CDK14: variants seen among roughly 807,000 people sequenced by gnomAD.
The protein encoded by CDK14 is cyclin-dependent kinase 14.
In CDK14, 34 loss-of-function variants were observed where a neutral mutation model predicts 60.7. That is an observed-to-expected ratio of 0.56 (90% CI 0.43 to 0.75). The LOEUF (loss-of-function observed/expected upper bound fraction) is 0.75, where lower values mean the gene tolerates loss of function less well. Ranked by LOEUF, CDK14 falls within the 30% of genes least tolerant of loss-of-function variation. CDK14 has a pLI of 0.00. For missense variants in CDK14, 482 were observed against 564.1 expected (o/e 0.85, Z 1.47); for synonymous variants, 197 against 203.7 (o/e 0.97, Z 0.28).
intron 11 of CDK14, among the ~76,000 whole-genome samples, chr7:91,073,832 A>T (rs1798222596): frequency 6.6e-6 from 1 of 152,208 alleles, no homozygotes; most frequent in Admixed American, 6.5e-5. Context: ...AAAGAAAAAA[A>T]AAAAGCAGAG....
At chr7:91,109,344 A>T (rs529155748) in intron 12 of CDK14, among the ~76,000 whole-genome samples, 1 of 152,276 alleles carries the variant, frequency 6.6e-6, no homozygotes, top group East Asian at 1.9e-4. Flanking sequence ...TGTGGGACAA[A>T]TAATTTGTCA....
chr7:90,823,040 G>A lies in CDK14; in HGVS notation c.544+32388G>A, dbSNP rs373836275. 1.6e-4 allele frequency among the ~76,000 whole-genome samples: 25 copies of A among 152,270 alleles called. No homozygotes were observed. In the South Asian group the frequency reaches 5.2e-3, roughly 32 times the overall value. On this transcript the variant is annotated intron_variant, in intron 5 of 14. Coordinates refer to ENST00000380050, the MANE Select transcript of CDK14 (RefSeq NM_001287135.2). ...TTCAGTGAACAGGGGCTAGTGTGTT[G>A]CTCTTCCCAGTAGTACTAATTAGGA...
intron 2 of CDK14, among the ~76,000 whole-genome samples, chr7:90,671,521 A>G (rs190714765): frequency 2.6e-5 from 4 of 152,316 alleles, no homozygotes; most frequent in Admixed American, 2.6e-4. Flanking sequence ...AAATCTTTAT[A>G]TAGGACAGCA....
intron 12 of CDK14, among the ~76,000 whole-genome samples, chr7:91,106,912 A>G (rs1274568236): frequency 6.6e-6 from 1 of 152,228 alleles, no homozygotes; most frequent in African/African-American, 2.4e-5. Context: ...TATCAGGCAT[A>G]CAGCATGACT....
chr7:90,992,655 A>C (rs1378217093), intron 10 of CDK14, among the ~76,000 whole-genome samples: 2 of 152,210 alleles, frequency 1.3e-5, no homozygotes, highest in Non-Finnish European at 2.9e-5. Context: ...CCAAACTCAC[A>C]AATAACAGGG....
At chr7:90,821,262 G>A (rs1230554064) in intron 5 of CDK14, among the ~76,000 whole-genome samples, 1 of 152,148 alleles carries the variant, frequency 6.6e-6, no homozygotes, top group African/African-American at 2.4e-5. Flanking sequence ...AGAAAGGCAG[G>A]GTTGGGCAGA....
intron 4 of CDK14, among the ~76,000 whole-genome samples, chr7:90,781,516 C>T (rs1202258865): frequency 6.7e-6 from 1 of 148,566 alleles, no homozygotes; most frequent in Non-Finnish European, 1.5e-5. Flanking sequence ...AATGGTAATG[C>T]CTAGGTTTTC....
chr7:90,604,258 A>C lies in CDK14; in HGVS notation c.123+9A>C. The C allele has an allele frequency of 6.6e-7, 1 of 1,510,586 alleles. No homozygotes were observed. Among genetic ancestry groups the C allele is most frequent in the Non-Finnish European group, 9.0e-7 (1 of 1,112,632 alleles). The allele number at this position is 1,510,586 out of a possible 1,614,324, so 93.6% of individuals were successfully genotyped here. On this transcript the variant is annotated intron_variant, in intron 2 of 14. Coordinates refer to ENST00000380050, the MANE Select transcript of CDK14 (RefSeq NM_001287135.2). Reference sequence around the variant, plus strand: ...ACACCACCTTTGATGAGGTAGGTTAAATTTCTTTATCTAATGTTAGATGTA... The same window carrying C: ...ACACCACCTTTGATGAGGTAGGTTACATTTCTTTATCTAATGTTAGATGTA...
At chr7:90,634,714 T>C (rs1253026454) in intron 2 of CDK14, among the ~76,000 whole-genome samples, 2 of 151,766 alleles carry the variant, frequency 1.3e-5, no homozygotes, top group African/African-American at 4.8e-5. Context: ...CCACACTGAC[T>C]TCCACAATGG....
At chr7:90,663,809 A>G (rs927620992) in intron 2 of CDK14, among the ~76,000 whole-genome samples, 1 of 152,234 alleles carries the variant, frequency 6.6e-6, no homozygotes, top group African/African-American at 2.4e-5. Flanking sequence ...AATTAATTAC[A>G]CTATAAATCT....
chr7:90,878,643 C>T (rs1183531083), intron 6 of CDK14, among the ~76,000 whole-genome samples: 1 of 152,144 alleles, frequency 6.6e-6, no homozygotes, highest in Non-Finnish European at 1.5e-5. Flanking sequence ...AGAGAAGTCA[C>T]TGACAAAATA....
chr7:90,931,527 C>T (rs1793590854), intron 8 of CDK14, among the ~76,000 whole-genome samples: 1 of 152,198 alleles, frequency 6.6e-6, no homozygotes, highest in Non-Finnish European at 1.5e-5. Flanking sequence ...GCTGCTCTGT[C>T]CTTCTGCCTC....
chr7:90,852,104 C>T (rs911813481), intron 5 of CDK14, among the ~76,000 whole-genome samples: 2 of 152,050 alleles, frequency 1.3e-5, no homozygotes, highest in African/African-American at 2.4e-5. Context: ...GCTATGTTTC[C>T]GAGGCTGGCC....
chr7:91,029,573 T>TCTCTC (rs143062382), intron 10 of CDK14, among the ~76,000 whole-genome samples: 26,282 of 129,904 alleles, frequency 0.2, 3,142 homozygotes, highest in Non-Finnish European at 0.24. Context: ...GGCTTCCTTC[T>TCTCTC]CTCTCCTCTC....
At chr7:91,109,869 A>G (rs1228277248) in intron 12 of CDK14, among the ~76,000 whole-genome samples, 2 of 152,120 alleles carry the variant, frequency 1.3e-5, no homozygotes, top group Non-Finnish European at 2.9e-5. Context: ...AAAGAGTGTC[A>G]TGACATAAGG....
intron 9 of CDK14, among the ~76,000 whole-genome samples, chr7:90,972,740 C>G (rs1794965809): frequency 6.6e-6 from 1 of 152,206 alleles, no homozygotes; most frequent in Non-Finnish European, 1.5e-5. Flanking sequence ...CTTTGTTGTT[C>G]CTTTGGCTGG....
chr7:90,755,660 GAATA>G (rs955180822), intron 4 of CDK14, among the ~76,000 whole-genome samples: 2 of 152,124 alleles, frequency 1.3e-5, no homozygotes, highest in Non-Finnish European at 2.9e-5. Context: ...AAATTTGAAT[GAATA>G]GTCAGCATGA....
intron 5 of CDK14, among the ~76,000 whole-genome samples, chr7:90,845,327 T>C (rs567581756): frequency 6.6e-6 from 1 of 152,308 alleles, no homozygotes; most frequent in East Asian, 1.9e-4. Flanking sequence ...TATGTAAATC[T>C]GGTTAAACAT....
chr7:90,716,623 A>G (rs1802257420), intron 2 of CDK14, among the ~76,000 whole-genome samples: 1 of 152,120 alleles, frequency 6.6e-6, no homozygotes. Flanking sequence ...GTTTAAATTC[A>G]TAAACATATT....
Sources: allele counts gnomAD v4.1 joint callset (sites outside exome capture counted in the v4.1 genomes callset), GRCh38; gene constraint gnomAD v4.1.1; transcripts MANE v1.5; gene names NCBI Gene and HGNC (gene_info 2026-07-23, HGNC 2026-07-21).